The following DCC variants were observed in gnomAD, a reference collection of about 807,000 sequenced individuals.
DCC encodes the protein netrin receptor DCC.
Under a neutral mutation model 172.5 loss-of-function variants are expected in DCC, and 58 were observed. The ratio of observed to expected loss-of-function variants is 0.34; its 90% CI spans 0.27 to 0.42. The LOEUF is 0.42. Among genes scored for constraint, DCC ranks in the 10% least tolerant of loss-of-function variants. DCC has a pLI of 1.00. For synonymous variants in DCC, 709 were observed against 644.5 expected (o/e 1.10, Z -1.52); for missense variants, 1,740 against 1,791.0 (o/e 0.97, Z 0.51).
chr18:53,404,671 C>T (rs1400975292), intron 19 of DCC, among the ~76,000 whole-genome samples: 1 of 151,814 alleles, frequency 6.6e-6, no homozygotes, highest in Non-Finnish European at 1.5e-5. Flanking sequence ...GCGGAGCTTG[C>T]AGTGAGCCCC....
intron 1 of DCC, among the ~76,000 whole-genome samples, chr18:52,516,553 A>C (rs1033231058): frequency 6.6e-6 from 1 of 152,358 alleles, no homozygotes; most frequent in Non-Finnish European, 1.5e-5. Flanking sequence ...CTGCATGTGA[A>C]TCTACAGTCA....
At chr18:52,657,904 A>G (rs1460658493) in intron 1 of DCC, among the ~76,000 whole-genome samples, 1 of 152,184 alleles carries the variant, frequency 6.6e-6, no homozygotes, top group Non-Finnish European at 1.5e-5. Flanking sequence ...CTTTCATGGT[A>G]AAAGTGATAC....
At chr18:53,311,062 C>A (rs1270475912) in intron 13 of DCC, among the ~76,000 whole-genome samples, 1 of 151,776 alleles carries the variant, frequency 6.6e-6, no homozygotes. Flanking sequence ...GCAGGAAACA[C>A]AGAATTCGTC....
intron 1 of DCC, among the ~76,000 whole-genome samples, chr18:52,527,368 C>A (rs1265389698): frequency 6.6e-6 from 1 of 152,112 alleles, no homozygotes; most frequent in Non-Finnish European, 1.5e-5. Context: ...GGTTCTTTTG[C>A]TATAATAAAT....
intron 12 of DCC, among the ~76,000 whole-genome samples, chr18:53,291,661 A>G (rs1169828198): frequency 6.6e-6 from 1 of 152,156 alleles, no homozygotes; most frequent in African/African-American, 2.4e-5. Context: ...TCTTAGGTCT[A>G]GTTCCTACAT....
At chr18:53,308,267 A>G (rs1666497063) in intron 13 of DCC, among the ~76,000 whole-genome samples, 1 of 151,996 alleles carries the variant, frequency 6.6e-6, no homozygotes, top group African/African-American at 2.4e-5. Flanking sequence ...GATTATTTAA[A>G]ACATAGTAAG....
intron 5 of DCC, among the ~76,000 whole-genome samples, chr18:52,992,095 C>T (rs1324544367): frequency 6.6e-6 from 1 of 152,190 alleles, no homozygotes; most frequent in Admixed American, 6.5e-5. Flanking sequence ...AACCAACTGA[C>T]TTGCCTAAGT....
chr18:52,864,907 C>T (rs1408381250), intron 2 of DCC, among the ~76,000 whole-genome samples: 1 of 151,892 alleles, frequency 6.6e-6, no homozygotes, highest in Non-Finnish European at 1.5e-5. Context: ...ACTCTGTGGC[C>T]CAGCCTGGAG....
intron 15 of DCC, among the ~76,000 whole-genome samples, chr18:53,380,873 TTAAGTG>T (rs1206978421): frequency 1.3e-5 from 2 of 152,272 alleles, no homozygotes; most frequent in African/African-American, 4.8e-5. Context: ...CACTTTTTGT[TTAAGTG>T]TAAGGTTGAT....
intron 1 of DCC, among the ~76,000 whole-genome samples, chr18:52,593,999 A>C (rs1167174654): frequency 2.0e-5 from 3 of 152,228 alleles, no homozygotes; most frequent in Non-Finnish European, 4.4e-5. Flanking sequence ...AGAGACCTAC[A>C]AGGCCATGTG....
intron 7 of DCC, among the ~76,000 whole-genome samples, chr18:53,100,146 C>A (rs1044342507): frequency 6.6e-6 from 1 of 151,638 alleles, no homozygotes; most frequent in African/African-American, 2.4e-5. Flanking sequence ...AGGGGTTTTG[C>A]CATGTTGAGC....
intron 2 of DCC, among the ~76,000 whole-genome samples, chr18:52,795,638 A>G (rs2037860231): frequency 6.6e-6 from 1 of 151,668 alleles, no homozygotes; most frequent in African/African-American, 2.4e-5. Flanking sequence ...TTCTTCTGCT[A>G]ATTTTGTTCT....
chr18:53,210,149 T>A (rs1400432509), intron 11 of DCC, among the ~76,000 whole-genome samples: 2 of 152,238 alleles, frequency 1.3e-5, no homozygotes, highest in Non-Finnish European at 2.9e-5. Flanking sequence ...CACAAATGTG[T>A]GGCTCTTGGC....
intron 1 of DCC, among the ~76,000 whole-genome samples, chr18:52,708,076 T>C (rs1417358790): frequency 1.3e-5 from 2 of 152,228 alleles, no homozygotes; most frequent in Non-Finnish European, 2.9e-5. Flanking sequence ...CCATTATGTA[T>C]ACATATGTCC....
intron 1 of DCC, among the ~76,000 whole-genome samples, chr18:52,406,670 C>T (rs925154389): frequency 2.6e-5 from 4 of 152,018 alleles, no homozygotes; most frequent in African/African-American, 4.8e-5. Context: ...CTTACTGTCT[C>T]TCTGTTACAA....
intron 21 of DCC, among the ~76,000 whole-genome samples, chr18:53,430,231 G>A (rs1911526473): frequency 6.6e-6 from 1 of 152,114 alleles, no homozygotes; most frequent in Admixed American, 6.6e-5. Flanking sequence ...CCCTTGGAAA[G>A]ATATACATTG....
At chr18:52,376,020 A>C (rs753445166) in intron 1 of DCC, among the ~76,000 whole-genome samples, 1 of 152,140 alleles carries the variant, frequency 6.6e-6, no homozygotes, top group Non-Finnish European at 1.5e-5. Context: ...AGCCCGAAAG[A>C]CCTAGATCCT....
chr18:52,449,807 T>A (rs1396274255), intron 1 of DCC, among the ~76,000 whole-genome samples: 1 of 152,220 alleles, frequency 6.6e-6, no homozygotes, highest in Non-Finnish European at 1.5e-5. Flanking sequence ...GATGGTTTTA[T>A]AAAGGGCAGT....
chr18:52,451,409 A>C (rs1039183638), intron 1 of DCC, among the ~76,000 whole-genome samples: 1 of 152,194 alleles, frequency 6.6e-6, no homozygotes, highest in Non-Finnish European at 1.5e-5. Context: ...TTCAAAAAGC[A>C]TCATTTCTGA....
Sources: gnomAD v4.1 joint callset for allele counts (sites outside exome capture counted in the v4.1 genomes callset) on GRCh38, gnomAD v4.1.1 for gene constraint, MANE v1.5 for transcripts, NCBI Gene and HGNC (gene_info 2026-07-23, HGNC 2026-07-21) for gene names.